Variants in DCLK1 observed in about 807,000 individuals in gnomAD.
DCLK1 encodes doublecortin like kinase 1, also known as serine/threonine-protein kinase DCLK1.
A neutral mutation model predicts 86.2 loss-of-function variants in DCLK1; 16 were observed. The ratio of observed to expected loss-of-function variants is 0.19; its 90% CI spans 0.13 to 0.28. The LOEUF is 0.28. DCLK1 is among the 10% of genes least tolerant of loss of function. The pLI, the probability that DCLK1 is intolerant of heterozygous loss-of-function variation, is 1.00. For missense variants in DCLK1, 590 were observed against 940.2 expected, an observed-to-expected ratio of 0.63 and a Z score of 4.87; for synonymous variants, 369 against 370.5, an observed-to-expected ratio of 1.00 and a Z score of 0.05.
At chr13:36,081,815 C>T (rs938479319) in intron 3 of DCLK1, among the ~76,000 whole-genome samples, 4 of 152,048 alleles carry the variant, frequency 2.6e-5, no homozygotes, top group Admixed American at 1.3e-4. Context: ...ACAGAGCGAC[C>T]GATTTACACA....
At chr13:36,007,295 G>C (rs1197647680) in intron 3 of DCLK1, among the ~76,000 whole-genome samples, 1 of 152,186 alleles carries the variant, frequency 6.6e-6, no homozygotes, top group Non-Finnish European at 1.5e-5. Context: ...GCTTAGTAGA[G>C]ATTTTTAATA....
chr13:35,797,438 T>G (rs2086834854), intron 15 of DCLK1, among the ~76,000 whole-genome samples: 1 of 152,170 alleles, frequency 6.6e-6, no homozygotes, highest in African/African-American at 2.4e-5. Context: ...CTGTCAAGGT[T>G]CCTAGCAACT....
chr13:35,946,477 T>C (rs1448646278), intron 4 of DCLK1, among the ~76,000 whole-genome samples: 2 of 152,222 alleles, frequency 1.3e-5, no homozygotes, highest in Non-Finnish European at 2.9e-5. Context: ...CCACATCACT[T>C]TTCCCATTAT....
intron 3 of DCLK1, among the ~76,000 whole-genome samples, chr13:35,955,819 C>A (rs911733412): frequency 3.3e-5 from 5 of 152,142 alleles, no homozygotes; most frequent in African/African-American, 1.2e-4. Context: ...CAGGGATGAG[C>A]AGCTACTGCT....
At position 35,839,140 on chromosome 13, in the gene DCLK1, A is replaced by G; in HGVS notation, c.1072T>C (p.Ser358Pro). The change falls in exon 7 of 17, where the codon TCC becomes CCC. Residue 358 changes from serine to proline, a missense_variant. This residue lies in a region of DCLK1 where 63 missense variants were observed against 64.3 expected (regional missense o/e 0.98). Coordinates refer to ENST00000360631, the MANE Select transcript of DCLK1 (RefSeq NM_001330071.2). ...QHGGSSTSLASTKVCSSMDEN... is the reference protein window; with the variant it reads ...QHGGSSTSLAPTKVCSSMDEN... ...TCCATCGAGCTGCAGACTTTGGTGGACGCAAGTGACGTAGAGGAGCCGCCA... is the reference window on the plus strand; with the variant it reads ...TCCATCGAGCTGCAGACTTTGGTGGGCGCAAGTGACGTAGAGGAGCCGCCA... The G allele has an allele frequency of 6.3e-7, 1 of 1,594,566 alleles. No individual in the cohort carries two copies. The highest frequency in any genetic ancestry group is 1.1e-5 in the South Asian group (1 of 87,236).
intron 4 of DCLK1, among the ~76,000 whole-genome samples, chr13:35,926,651 T>C (rs1172297755): frequency 6.6e-6 from 1 of 152,224 alleles, no homozygotes; most frequent in Non-Finnish European, 1.5e-5. Flanking sequence ...TGACAGTTTC[T>C]TAGAACTGAA....
intron 3 of DCLK1, among the ~76,000 whole-genome samples, chr13:35,974,784 A>T (rs1440610832): frequency 6.6e-6 from 1 of 152,182 alleles, no homozygotes; most frequent in South Asian, 2.1e-4. Flanking sequence ...TAGAAGTGTA[A>T]GAACAAACTA....
chr13:36,052,962 T>C (rs577518933), intron 3 of DCLK1, among the ~76,000 whole-genome samples: 1 of 152,156 alleles, frequency 6.6e-6, no homozygotes, highest in African/African-American at 2.4e-5. Flanking sequence ...GAGGATGGGG[T>C]GCTTACAATC....
intron 4 of DCLK1, among the ~76,000 whole-genome samples, chr13:35,923,206 G>A (rs1264143487): frequency 6.6e-6 from 1 of 152,244 alleles, no homozygotes; most frequent in Non-Finnish European, 1.5e-5. Context: ...ATAAAGGATT[G>A]TGACCAGATG....
chr13:35,775,006 TAGGCTAGCCAG>T (rs1376836542), intron 16 of DCLK1, among the ~76,000 whole-genome samples: 1 of 152,150 alleles, frequency 6.6e-6, no homozygotes, highest in Non-Finnish European at 1.5e-5. Flanking sequence ...TGGTGGCTCC[TAGGCTAGCCAG>T]AGGACACTCC....
At chr13:36,008,330 G>T (rs1459120777) in intron 3 of DCLK1, among the ~76,000 whole-genome samples, 1 of 96,228 alleles carries the variant, frequency 1.0e-5, no homozygotes, top group Admixed American at 1.2e-4. Context: ...CCACTAACTC[G>T]TCATCTAGCA....
chr13:35,985,651 C>G (rs1879866282), intron 3 of DCLK1, among the ~76,000 whole-genome samples: 2 of 152,164 alleles, frequency 1.3e-5, no homozygotes, highest in Admixed American at 6.5e-5. Context: ...AAGGAGAGGT[C>G]CTTGGCAGCC....
intron 5 of DCLK1, among the ~76,000 whole-genome samples, chr13:35,864,720 A>G (rs1287058734): frequency 1.4e-5 from 2 of 145,122 alleles, no homozygotes; most frequent in South Asian, 2.2e-4. Flanking sequence ...TGGTGTGATC[A>G]TGGCTGACTT....
intron 4 of DCLK1, among the ~76,000 whole-genome samples, chr13:35,913,625 T>C (rs1167907891): frequency 6.6e-6 from 1 of 152,232 alleles, no homozygotes; most frequent in Non-Finnish European, 1.5e-5. Context: ...ATTACATTTT[T>C]TTTCTTAAAA....
intron 3 of DCLK1, among the ~76,000 whole-genome samples, chr13:35,998,574 A>T (rs1353431245): frequency 6.6e-6 from 1 of 152,120 alleles, no homozygotes; most frequent in Non-Finnish European, 1.5e-5. Context: ...GGTCTTCTTG[A>T]TCATTTCTAG....
chr13:35,815,874 T>A (rs1356987749), intron 11 of DCLK1, among the ~76,000 whole-genome samples: 1 of 152,086 alleles, frequency 6.6e-6, no homozygotes, highest in African/African-American at 2.4e-5. Context: ...AATGAAATAA[T>A]AAAAATAATG....
At chr13:36,130,830 G>A (rs72621283) in intron 1 of DCLK1, among the ~76,000 whole-genome samples, 63,784 of 152,046 alleles carry the variant, frequency 0.42, 14,324 homozygotes, top group African/African-American at 0.58. Context: ...CGAAAAGCCT[G>A]GGAGGGCCCG....
chr13:36,030,555 C>A (rs1322395289), intron 3 of DCLK1, among the ~76,000 whole-genome samples: 1 of 151,238 alleles, frequency 6.6e-6, no homozygotes, highest in Non-Finnish European at 1.5e-5. Flanking sequence ...GATCTACCCA[C>A]CTCAGCCTAC....
intron 4 of DCLK1, among the ~76,000 whole-genome samples, chr13:35,940,304 A>T (rs1043574390): frequency 2.6e-5 from 4 of 152,118 alleles, no homozygotes; most frequent in Admixed American, 2.0e-4. Flanking sequence ...AAAAAAAAAA[A>T]AATAAGTTAG....
Sources: allele counts gnomAD v4.1 joint callset (sites outside exome capture counted in the v4.1 genomes callset), GRCh38; gene constraint gnomAD v4.1.1; regional missense constraint gnomAD v4.1.1; transcripts MANE v1.5; gene names NCBI Gene and HGNC (gene_info 2026-07-23, HGNC 2026-07-21).